The following UPF3A variants were observed in gnomAD, a reference collection of about 807,000 sequenced individuals.
UPF3A encodes the protein regulator of nonsense transcripts 3A.
In UPF3A, 42 loss-of-function variants were observed where a neutral mutation model predicts 53.5. That is an observed-to-expected ratio of 0.78 (90% CI 0.61 to 1.01). UPF3A has a LOEUF of 1.01. Among genes scored for constraint, UPF3A ranks in the 50% least tolerant of loss-of-function variants. The pLI, the probability that UPF3A is intolerant of heterozygous loss-of-function variation, is 0.00. For missense variants in UPF3A, 575 were observed against 598.0 expected (o/e 0.96, Z 0.40); for synonymous variants, 237 against 225.3 (o/e 1.05, Z -0.47).
Position 114,297,922 on chromosome 13 carries a change from C to T in UPF3A, c.847-918C>T, listed in dbSNP as rs868495230. On this transcript the variant is annotated intron_variant, in intron 7 of 9. Transcript: ENST00000375299. ...ATTCAGGAGGCTGAGGCAGTAGAGTCGCTTGAACCCAGGAGACGGAGGTTG... is the reference window on the plus strand; with the variant it reads ...ATTCAGGAGGCTGAGGCAGTAGAGTTGCTTGAACCCAGGAGACGGAGGTTG... 4.5e-4 allele frequency among the ~76,000 whole-genome samples: 69 copies of T among 152,182 alleles called. 2 individuals are homozygous for T. Among genetic ancestry groups the T allele is most frequent in the Admixed American group, 3.3e-4 (5 of 15,282 alleles).
chr13:114,282,642 A>T, intron 2 of UPF3A, 195 bp from the exon 3 acceptor site: 1 of 985,470 alleles, frequency 1.0e-6, no homozygotes, highest in Non-Finnish European at 1.2e-6. Flanking sequence ...AAGGGACCTG[A>T]GTTCTGCCTT....
At chr13:114,291,414 T>C in intron 5 of UPF3A, 75 bp from the exon 6 acceptor site, 1 of 1,338,682 alleles carries the variant, frequency 7.5e-7, no homozygotes, top group Non-Finnish European at 1.0e-6. Flanking sequence ...ATTTTAAAGA[T>C]TACATTCAAA....
chr13:114,304,838 G>C lies in UPF3A; in HGVS notation c.1352G>C (p.Arg451Pro), dbSNP rs748713506. The C allele has an allele frequency of 1.3e-5, 21 of 1,613,876 alleles. No individual in the cohort carries two copies. The highest frequency in any genetic ancestry group is 1.8e-5 in the Non-Finnish European group (21 of 1,179,830). The change falls in exon 10 of 10, where the codon CGA (arginine) becomes CCA (proline). Residue 451 changes from arginine to proline, a missense_variant. This residue lies in a region of UPF3A where 323 missense variants were observed against 415.2 expected (regional missense o/e 0.78). Coordinates refer to ENST00000375299, the MANE Select transcript of UPF3A (RefSeq NM_023011.4). ...LYDPGARFRA[R>P]ECGGNRRICK... is the part of the protein sequence containing the mutation. ...GATCCAGGAGCTCGCTTCCGAGCGCGAGAGTGTGGCGGAAACAGGAGGATC... is the reference window on the plus strand; with the variant it reads ...GATCCAGGAGCTCGCTTCCGAGCGCCAGAGTGTGGCGGAAACAGGAGGATC...
intron 5 of UPF3A, 71 bp from the exon 6 acceptor site, chr13:114,291,418 A>G (rs2085257017): frequency 7.3e-7 from 1 of 1,364,598 alleles, no homozygotes; most frequent in Non-Finnish European, 1.0e-6. Flanking sequence ...TAAAGATTAC[A>G]TTCAAAACAA....
chr13:114,291,469 T>G lies in UPF3A; in HGVS notation c.632-20T>G. The G allele has an allele frequency of 1.3e-6, 2 of 1,577,754 alleles. No individual in the cohort carries two copies. Among genetic ancestry groups the G allele is most frequent in the Non-Finnish European group, 1.7e-6 (2 of 1,159,910 alleles). ...CTTTCTTTAGGAGTTAAATACAATA[T>G]TACAATTTTTGTGTTTTAGCTAGAA... On this transcript the variant is annotated intron_variant, in intron 5 of 9. Coordinates refer to ENST00000375299, the MANE Select transcript of UPF3A (RefSeq NM_023011.4).
intron 7 of UPF3A, among the ~76,000 whole-genome samples, chr13:114,292,521 G>T (rs1425841993): frequency 6.8e-6 from 1 of 146,056 alleles, no homozygotes; most frequent in African/African-American, 2.6e-5. Context: ...TTTATTTTCG[G>T]TTCAAGGCGT....
intron 7 of UPF3A, among the ~76,000 whole-genome samples, chr13:114,297,223 T>TA: frequency 7.4e-6 from 1 of 135,486 alleles, no homozygotes; most frequent in East Asian, 2.1e-4. Flanking sequence ...GGTGCTTCCG[T>TA]TTTTTTTTTT....
chr13:114,299,077 T>C (rs2086340285), intron 8 of UPF3A, 77 bp downstream of exon 8: 2 of 1,369,714 alleles, frequency 1.5e-6, no homozygotes, highest in Admixed American at 6.3e-5. Context: ...TGAGTATGCC[T>C]ATTTCACACT....
At chr13:114,302,837 C>T (rs2086712832) in intron 9 of UPF3A, among the ~76,000 whole-genome samples, 1 of 152,212 alleles carries the variant, frequency 6.6e-6, no homozygotes, top group Non-Finnish European at 1.5e-5. Context: ...CATGGTGGCT[C>T]ACACCTATAA....
chr13:114,288,283 G>A (rs979565987), intron 5 of UPF3A, among the ~76,000 whole-genome samples: 1 of 152,242 alleles, frequency 6.6e-6, no homozygotes, highest in Admixed American at 6.5e-5. Flanking sequence ...GGGCACCTCA[G>A]TGTGTAATCA....
chr13:114,304,955 G>A lies in UPF3A; in HGVS notation c.*38G>A, dbSNP rs1434359422. ...ACCTGGCCTCCATGGACGAGCAAGG[G>A]CATCCCAGAAACGTGTAAATGACCC... On this transcript the variant is annotated 3_prime_UTR_variant, in exon 10 of 10. Transcript: ENST00000375299. The A allele has an allele frequency of 1.9e-6, 3 of 1,595,288 alleles. No homozygotes were observed. Among genetic ancestry groups the A allele is most frequent in the Non-Finnish European group, 1.7e-6 (2 of 1,171,176 alleles).
intron 5 of UPF3A, among the ~76,000 whole-genome samples, chr13:114,290,241 A>G (rs906999828): frequency 9.9e-5 from 15 of 152,056 alleles, no homozygotes; most frequent in African/African-American, 3.4e-4. Flanking sequence ...CCCTACAACC[A>G]CAGACTGTCC....
At chr13:114,293,781 G>T (rs1389944216) in intron 7 of UPF3A, among the ~76,000 whole-genome samples, 1 of 152,178 alleles carries the variant, frequency 6.6e-6, no homozygotes, top group Non-Finnish European at 1.5e-5. Flanking sequence ...GGGTGGGGAA[G>T]AGATCATTGA....
At chr13:114,287,267 C>CT (rs1489792986) in intron 5 of UPF3A, 1 of 152,522 alleles carries the variant, frequency 6.6e-6, no homozygotes, top group Non-Finnish European at 1.5e-5. Context: ...TGTGGATCTC[C>CT]TTTCCTCAAA....
At chr13:114,286,432 C>T in intron 4 of UPF3A, 32 bp downstream of exon 4, 1 of 1,613,404 alleles carries the variant, frequency 6.2e-7, no homozygotes, top group South Asian at 1.1e-5. Flanking sequence ...CGTTATGAAG[C>T]TGCCAAATTA....
intron 7 of UPF3A, 49 bp from the exon 8 acceptor site, chr13:114,298,791 T>G: frequency 7.1e-7 from 1 of 1,399,658 alleles, no homozygotes; most frequent in South Asian, 1.7e-5. Context: ...ACAGCTTCTT[T>G]TAAAATATGC....
Position 114,301,739 on chromosome 13 carries a change from G to C in UPF3A, c.1016G>C (p.Ser339Thr). 9.9e-6 allele frequency: 16 copies of C among 1,610,228 alleles called. No individual in the cohort carries two copies. The highest frequency in any genetic ancestry group is 1.4e-5 in the Non-Finnish European group (16 of 1,177,030). ...TTTGTGTTGAATCATAGGTCACACA[G>C]CGGCAGTGATAAAGAGCACAGGGAT... ...SLEEPQETSH[S>T]GSDKEHRDVE... is the part of the protein sequence containing the mutation. The change falls in exon 9 of 10, where the codon AGC (serine) becomes ACC (threonine). Residue 339 changes from serine to threonine, a missense_variant. Coordinates refer to ENST00000375299, the MANE Select transcript of UPF3A (RefSeq NM_023011.4).
intron 5 of UPF3A, among the ~76,000 whole-genome samples, chr13:114,290,157 G>C (rs1363020554): frequency 6.6e-6 from 1 of 152,178 alleles, no homozygotes; most frequent in Non-Finnish European, 1.5e-5. Context: ...CACGAAATGT[G>C]GCATTTGTAC....
chr13:114,295,933 G>A lies in UPF3A; in HGVS notation c.847-2907G>A, dbSNP rs560650614. Among the ~76,000 whole-genome samples, 3 of 152,260 alleles carry A rather than the reference G, an allele frequency of 2.0e-5. No homozygotes were observed. The East Asian group carries it at 5.8e-4, about 29-fold the overall frequency. ...GGGGCCCCAGGCAGCTTCAGGATGG[G>A]GACTAGTTGGCCAGAAAGCCAAGGC... is the stretch of plus-strand genomic sequence containing the variant. On this transcript the variant is annotated intron_variant, in intron 7 of 9. Coordinates refer to ENST00000375299, the MANE Select transcript of UPF3A (RefSeq NM_023011.4).
Sources: gnomAD v4.1 joint callset for allele counts (sites outside exome capture counted in the v4.1 genomes callset) on GRCh38, gnomAD v4.1.1 for gene constraint, gnomAD v4.1.1 regional missense constraint, MANE v1.5 for transcripts, NCBI Gene and HGNC (gene_info 2026-07-23, HGNC 2026-07-21) for gene names.